Variants in HTR7 observed in about 807,000 individuals in gnomAD.
HTR7 encodes 5-HT-7.
In HTR7, 16 loss-of-function variants were observed where a neutral mutation model predicts 34.0. That is an observed-to-expected ratio of 0.47 (90% CI 0.32 to 0.71). The LOEUF (loss-of-function observed/expected upper bound fraction) is 0.71. HTR7 is among the 30% of genes least tolerant of loss of function. HTR7 has a pLI of 0.04. For missense variants in HTR7, 504 were observed against 625.5 expected (o/e 0.81, Z 2.07); for synonymous variants, 265 against 260.2 (o/e 1.02, Z -0.18).
chr10:90,841,216 G>A (rs1564700351), intron 1 of HTR7, among the ~76,000 whole-genome samples: 2 of 152,212 alleles, frequency 1.3e-5, no homozygotes, highest in Admixed American at 6.5e-5. Context: ...CTTGAGTAAT[G>A]CACAGTTAAG....
intron 1 of HTR7, among the ~76,000 whole-genome samples, chr10:90,843,760 G>A (rs1846366444): frequency 6.6e-6 from 1 of 152,070 alleles, no homozygotes. Flanking sequence ...AATTAAATGG[G>A]ACCAAATCAA....
intron 1 of HTR7, among the ~76,000 whole-genome samples, chr10:90,814,047 A>G (rs1845859215): frequency 6.6e-6 from 1 of 152,096 alleles, no homozygotes; most frequent in South Asian, 2.1e-4. Flanking sequence ...TCTTTAGCCT[A>G]TTAAACCTCC....
chr10:90,749,530 T>A lies in HTR7; in HGVS notation c.604A>T (p.Met202Leu). Residue 202 changes from methionine (M) to leucine (L), a missense_variant, in exon 2 of 4, where the codon ATG (methionine) becomes TTG (leucine). Met to Leu is a conservative substitution (Grantham distance 15). Around this residue, in one of 4 missense-constraint regions of HTR7, gnomAD observed 154 missense variants for 248.8 expected, o/e 0.62. Transcript: ENST00000336152. The surrounding 1 kb of genome is among the most constrained non-coding windows in gnomAD (Gnocchi z 4.2). ...GAGAGAAGCCAGACGGAGAGAATCATCTTCGCCATGCATTTCCCATTCTGC... is the reference window on the plus strand; with the variant it reads ...GAGAGAAGCCAGACGGAGAGAATCAACTTCGCCATGCATTTCCCATTCTGC... Reference protein sequence around the residue: ...VRQNGKCMAKMILSVWLLSAS... With the variant: ...VRQNGKCMAKLILSVWLLSAS... 5 of 1,614,112 alleles carry A rather than the reference T, an allele frequency of 3.1e-6. No homozygotes were observed. Among genetic ancestry groups the A allele is most frequent in the Non-Finnish European group, 4.2e-6 (5 of 1,180,006 alleles).
rs536432621 is a variant in HTR7 at position 90,804,877 on chromosome 10, C to G, written c.539+52256G>C. Among the ~76,000 whole-genome samples the G allele has an allele frequency of 4.8e-4, 73 of 152,060 alleles. 1 individual carries two copies. The highest frequency in any genetic ancestry group is 1.0e-3 in the South Asian group (5 of 4,814). On this transcript the variant is annotated intron_variant, in intron 1 of 3. Transcript: ENST00000336152. ...GCAACCTCCAATGTCATAGAAGGGACCAAAAGAAGGGGAGGAATTTCTGAC... is the reference window on the plus strand; with the variant it reads ...GCAACCTCCAATGTCATAGAAGGGAGCAAAAGAAGGGGAGGAATTTCTGAC...
chr10:90,751,069 C>T (rs780719399), intron 1 of HTR7, among the ~76,000 whole-genome samples: 5 of 152,162 alleles, frequency 3.3e-5, no homozygotes, highest in South Asian at 2.1e-4. Flanking sequence ...AGGAGCCAGG[C>T]GTTCATGACG....
rs1845705415 is a variant in HTR7 at position 90,806,296 on chromosome 10, T to TAAAG, written c.539+50836_539+50837insCTTT. Among the ~76,000 whole-genome samples the TAAAG allele has an allele frequency of 7.2e-5, 11 of 152,286 alleles. No homozygotes were observed. In the South Asian group the frequency reaches 2.3e-3, roughly 32 times the overall value. The stretch of plus-strand genomic sequence containing the variant: ...CCATGGTATGGAGCTGCAGCTGTGC[T>TAAAG]GTATTAAGTTCCTAAAGGTAGGCTG... On this transcript the variant is annotated intron_variant, in intron 1 of 3. Coordinates refer to ENST00000336152, the MANE Select transcript of HTR7 (RefSeq NM_019859.4).
chr10:90,771,629 G>A (rs544516501), intron 1 of HTR7, among the ~76,000 whole-genome samples: 2 of 152,204 alleles, frequency 1.3e-5, no homozygotes, highest in Non-Finnish European at 1.5e-5. Flanking sequence ...GCCCATGCCA[G>A]CACCTGGAGC....
chr10:90,763,356 G>T (rs1283119005), intron 1 of HTR7, among the ~76,000 whole-genome samples: 2 of 151,954 alleles, frequency 1.3e-5, no homozygotes, highest in Non-Finnish European at 2.9e-5. Context: ...TCACCTTCTT[G>T]GTTAGATTTA....
At chr10:90,764,369 G>C (rs1404327826) in intron 1 of HTR7, among the ~76,000 whole-genome samples, 4 of 152,154 alleles carry the variant, frequency 2.6e-5, no homozygotes, top group African/African-American at 4.8e-5. Flanking sequence ...ACCCTTGTCA[G>C]ATGGGTAGAT....
chr10:90,798,567 T>C (rs925452283), intron 1 of HTR7, among the ~76,000 whole-genome samples: 1 of 151,316 alleles, frequency 6.6e-6, no homozygotes, highest in Non-Finnish European at 1.5e-5. Flanking sequence ...CTAAAAAAAT[T>C]TAGCCAAGTG....
chr10:90,818,729 T>G (rs550602711), intron 1 of HTR7, among the ~76,000 whole-genome samples: 52 of 152,088 alleles, frequency 3.4e-4, no homozygotes, highest in Non-Finnish European at 3.7e-4. Context: ...AATAAACTTC[T>G]AGAGTTTAAA....
chr10:90,770,585 G>C (rs768943563), intron 1 of HTR7, among the ~76,000 whole-genome samples: 6 of 152,270 alleles, frequency 3.9e-5, no homozygotes, highest in African/African-American at 7.2e-5. Context: ...GCGGGATTGG[G>C]GCCGAGCCCG....
chr10:90,854,931 A>G (rs1846555982), intron 1 of HTR7, among the ~76,000 whole-genome samples: 1 of 152,238 alleles, frequency 6.6e-6, no homozygotes, highest in Non-Finnish European at 1.5e-5. Flanking sequence ...ATATTTTCAC[A>G]GCACATTTAA....
intron 1 of HTR7, among the ~76,000 whole-genome samples, chr10:90,853,822 G>A (rs932846557): frequency 6.6e-6 from 1 of 152,130 alleles, no homozygotes. Flanking sequence ...CTTCTTCTTA[G>A]GGAATAGCTC....
In HTR7 at chr10:90,764,519, A is replaced by G. The variant is rs548378278; in HGVS notation, c.540-14925T>C. On this transcript the variant is annotated intron_variant, in intron 1 of 3. Coordinates refer to ENST00000336152, the MANE Select transcript of HTR7 (RefSeq NM_019859.4). ...TCTCACAACTTTACTAAATTCACTTATTAGTTCTTAGTTTTTGGCAGAGTT... is the reference window on the plus strand; with the variant it reads ...TCTCACAACTTTACTAAATTCACTTGTTAGTTCTTAGTTTTTGGCAGAGTT... Among the ~76,000 whole-genome samples the G allele has an allele frequency of 2.6e-5, 4 of 152,122 alleles. No homozygotes were observed. The South Asian group carries it at 8.3e-4, about 32-fold the overall frequency.
intron 1 of HTR7, among the ~76,000 whole-genome samples, chr10:90,816,365 C>A (rs1845899098): frequency 6.6e-6 from 1 of 152,028 alleles, no homozygotes; most frequent in African/African-American, 2.4e-5. Context: ...CATAAATTGG[C>A]CATACTATCA....
chr10:90,813,394 C>T (rs61857733), intron 1 of HTR7, among the ~76,000 whole-genome samples: 21 of 152,184 alleles, frequency 1.4e-4, no homozygotes, highest in Admixed American at 9.8e-4. Context: ...TGGTAGCACA[C>T]GCCTGTAGTC....
chr10:90,753,732 GAT>G (rs202228756), intron 1 of HTR7, among the ~76,000 whole-genome samples: 10 of 151,038 alleles, frequency 6.6e-5, no homozygotes, highest in South Asian at 4.2e-4. Flanking sequence ...GATTAGATAT[GAT>G]ATATATATAT....
At chr10:90,790,466 A>G (rs1377136353) in intron 1 of HTR7, among the ~76,000 whole-genome samples, 2 of 152,234 alleles carry the variant, frequency 1.3e-5, no homozygotes, top group Admixed American at 6.5e-5. Context: ...AAGTGAATAC[A>G]ATCCTCTGGC....
Sources: allele counts gnomAD v4.1 joint callset (sites outside exome capture counted in the v4.1 genomes callset), GRCh38; gene constraint gnomAD v4.1.1; regional missense constraint gnomAD v4.1.1; non-coding constraint Gnocchi (gnomAD v3.1); transcripts MANE v1.5; gene names NCBI Gene and HGNC (gene_info 2026-07-23, HGNC 2026-07-21).